Variants in NEK5 observed in about 807,000 individuals in gnomAD.
The protein encoded by NEK5 is NIMA related kinase 5.
A neutral mutation model predicts 109.2 loss-of-function variants in NEK5; 88 were observed. That is an observed-to-expected ratio of 0.81 (90% CI 0.68 to 0.96). NEK5 has a LOEUF of 0.96. NEK5 is among the 40% of genes least tolerant of loss of function. NEK5 has a pLI of 0.00. For missense variants in NEK5, 834 were observed against 920.7 expected (o/e 0.91, Z 1.22); for synonymous variants, 283 against 299.9 (o/e 0.94, Z 0.58).
rs1955547284 is a variant in NEK5, at chr13:52,102,078, ACCT to A, written c.810+11_810+13del. ...AATCTCTGCCAAAATCCAAACAGTC[ACCT>A]CAAAACTTACCTCAGGAGTCAAATA... On this transcript the variant is annotated intron_variant, in intron 10 of 23. Transcript: ENST00000684899. 1.9e-6 allele frequency: 3 copies of A among 1,612,750 alleles called. No homozygotes were observed. Among genetic ancestry groups the A allele is most frequent in the Non-Finnish European group, 2.5e-6 (3 of 1,178,916 alleles).
intron 16 of NEK5, among the ~76,000 whole-genome samples, chr13:52,085,160 A>G: frequency 6.6e-6 from 1 of 152,078 alleles, no homozygotes; most frequent in East Asian, 1.9e-4. Context: ...CTCCCATACT[A>G]TTTTAATGGT....
intron 11 of NEK5, 114 bp from the exon 12 acceptor site, chr13:52,099,990 T>C (rs1265329875): frequency 1.3e-6 from 1 of 776,636 alleles, no homozygotes; most frequent in African/African-American, 1.7e-5. Context: ...AAGTTTACTT[T>C]TTAGCCAGAG....
chr13:52,039,825 G>A (rs369427561), intron 23 of NEK5, among the ~76,000 whole-genome samples: 2 of 151,594 alleles, frequency 1.3e-5, no homozygotes, highest in Non-Finnish European at 2.9e-5. Flanking sequence ...AAAAATTTTT[G>A]CTATGGTCTG....
chr13:52,059,763 A>G (rs1201599439), intron 22 of NEK5, among the ~76,000 whole-genome samples: 2 of 147,846 alleles, frequency 1.4e-5, no homozygotes, highest in Non-Finnish European at 3.0e-5. Flanking sequence ...ATAAGAACAC[A>G]TGGACACAGG....
At chr13:52,110,141 T>G (rs1403041193) in intron 7 of NEK5, among the ~76,000 whole-genome samples, 199 bp downstream of exon 7, 2 of 152,212 alleles carry the variant, frequency 1.3e-5, no homozygotes, top group Non-Finnish European at 1.5e-5. Context: ...TACAGAATAT[T>G]AGCAACATCA....
rs868453607 is a variant in NEK5 at position 52,080,606 on chromosome 13, C to T, written c.1572+2654G>A. On this transcript the variant is annotated intron_variant, in intron 17 of 23. Transcript: ENST00000684899. ...TGTGACCTTACCCCCAACCCTGTGC[C>T]CTCTGAAACATGTGCTGTGTCCACT... Among the ~76,000 whole-genome samples, 134 of 152,214 alleles carry T rather than the reference C, an allele frequency of 8.8e-4. No individual in the cohort carries two copies. In the South Asian group the frequency reaches 0.019, roughly 22 times the overall value.
rs557538438 is a variant in NEK5 at position 52,128,498 on chromosome 13, G to A, written c.-91+531C>T. 2.6e-5 allele frequency among the ~76,000 whole-genome samples: 4 copies of A among 152,262 alleles called. No homozygotes were observed. In the East Asian group the frequency reaches 7.7e-4, roughly 29 times the overall value. On this transcript the variant is annotated intron_variant, in intron 1 of 23. Transcript: ENST00000684899. ...ATTTCCTCTTTATGCTACAGTTAGG[G>A]CATAATACAGTTTTGTTGTTGTTGT...
At chr13:52,058,486 C>T (rs1387907899) in intron 22 of NEK5, among the ~76,000 whole-genome samples, 30 of 151,774 alleles carry the variant, frequency 2.0e-4, no homozygotes, top group African/African-American at 7.2e-4. Context: ...AAAGAGCCTG[C>T]ATCGCCAAGT....
chr13:52,090,852 T>C (rs1035935215), intron 13 of NEK5, among the ~76,000 whole-genome samples: 1 of 151,988 alleles, frequency 6.6e-6, no homozygotes, highest in East Asian at 1.9e-4. Context: ...AGTGAAACCC[T>C]GTCTCTTCTA....
chr13:52,123,157 T>C (rs972064436), intron 3 of NEK5, among the ~76,000 whole-genome samples: 14 of 151,990 alleles, frequency 9.2e-5, no homozygotes, highest in Admixed American at 3.3e-4. Context: ...TTTCTCTAGA[T>C]AAGAAGTAAT....
intron 16 of NEK5, among the ~76,000 whole-genome samples, chr13:52,083,612 C>T (rs1317484200): frequency 6.6e-6 from 1 of 151,914 alleles, no homozygotes; most frequent in African/African-American, 2.4e-5. Flanking sequence ...TCTTGGCTCA[C>T]TGCAAGCTCT....
chr13:52,054,337 T>C (rs573807124), intron 22 of NEK5, among the ~76,000 whole-genome samples: 1 of 152,368 alleles, frequency 6.6e-6, no homozygotes, highest in South Asian at 2.1e-4. Flanking sequence ...TTTGTTTGTT[T>C]AGAGTTGGAG....
At chr13:52,089,359 C>T in intron 13 of NEK5, 46 bp from the exon 14 acceptor site, 2 of 1,159,342 alleles carry the variant, frequency 1.7e-6, no homozygotes, top group South Asian at 1.3e-5. Context: ...TTGAACAAAT[C>T]TTAGGCACCA....
chr13:52,053,972 T>C (rs1954530522), intron 22 of NEK5, among the ~76,000 whole-genome samples: 1 of 152,242 alleles, frequency 6.6e-6, no homozygotes, highest in Non-Finnish European at 1.5e-5. Context: ...CCAAAATATA[T>C]GAAAGAGCTA....
intron 22 of NEK5, among the ~76,000 whole-genome samples, chr13:52,058,715 T>A (rs1310676261): frequency 1.3e-5 from 2 of 152,108 alleles, no homozygotes; most frequent in East Asian, 1.9e-4. Context: ...GGATTCCCTA[T>A]TTAATAAATG....
chr13:52,106,666 CTG>C (rs938234319), intron 8 of NEK5, among the ~76,000 whole-genome samples: 8 of 151,848 alleles, frequency 5.3e-5, no homozygotes, highest in African/African-American at 1.9e-4. Context: ...ACTTGGGAGA[CTG>C]AGGCACGAGA....
At chr13:52,046,951 C>A (rs772689273) in intron 23 of NEK5, among the ~76,000 whole-genome samples, 5 of 152,022 alleles carry the variant, frequency 3.3e-5, no homozygotes, top group Admixed American at 6.6e-5. Context: ...GGCCCATGAA[C>A]GAATTTTCCT....
At position 52,066,760 on chromosome 13, in the gene NEK5, C is replaced by T. The variant is rs141398847; in HGVS notation, c.1850-1151G>A. On this transcript the variant is annotated intron_variant, in intron 20 of 23. Coordinates refer to ENST00000684899, the MANE Select transcript of NEK5 (RefSeq NM_001365552.1). ...CGGAGTTTGCAGTGAGCCGAGATCA[C>T]GCCTTTGCACTCCAGCCTTGGTGAC... 7.2e-3 allele frequency among the ~76,000 whole-genome samples: 1,093 copies of T among 151,132 alleles called. 11 individuals carry two copies. The highest frequency in any genetic ancestry group is 0.023 in the African/African-American group (964 of 41,114).
rs537000760 is a variant in NEK5, at chr13:52,065,553, C to T, written c.1906G>A (p.Ala636Thr). ...ATCATCTGCAGCAGAGTCTGAGGCG[C>T]TCCTCCATCCCACTGCCTCCTGTTT... ...VGNRRQWDGG[A>T]PQTLLQMMAV... The change falls in exon 21 of 24, where the codon GCG becomes ACG. Residue 636 changes from alanine (A) to threonine (T), a missense_variant. Coordinates refer to ENST00000684899, the MANE Select transcript of NEK5 (RefSeq NM_001365552.1). The T allele has an allele frequency of 6.2e-7, 1 of 1,614,088 alleles. No homozygotes were observed. Among genetic ancestry groups the T allele is most frequent in the East Asian group, 2.2e-5 (1 of 44,884 alleles).
Sources: allele counts gnomAD v4.1 joint callset (sites outside exome capture counted in the v4.1 genomes callset), GRCh38; gene constraint gnomAD v4.1.1; transcripts MANE v1.5; gene names NCBI Gene and HGNC (gene_info 2026-07-23, HGNC 2026-07-21).